The following RPRD2 variants were observed in gnomAD, a reference collection of about 807,000 sequenced individuals.
RPRD2 encodes the protein regulation of nuclear pre-mRNA domain containing 2.
Under a neutral mutation model 104.4 loss-of-function variants are expected in RPRD2, and 12 were observed. That is an observed-to-expected ratio of 0.11 (90% CI 0.07 to 0.19). The LOEUF is 0.19. RPRD2 is among the 10% of genes least tolerant of loss of function. The pLI is 1.00. For synonymous variants in RPRD2, 714 were observed against 684.9 expected, an observed-to-expected ratio of 1.04 and a Z score of -0.66; for missense variants, 1,543 against 1,790.1, an observed-to-expected ratio of 0.86 and a Z score of 2.49.
At chr1:150,463,626 T>G (rs1668080896) in intron 9 of RPRD2, among the ~76,000 whole-genome samples, 1 of 152,228 alleles carries the variant, frequency 6.6e-6, no homozygotes, top group Non-Finnish European at 1.5e-5. Context: ...ATATTTTATT[T>G]CCTGTGTTAA....
chr1:150,428,106 A>G (rs1290427171), intron 2 of RPRD2, among the ~76,000 whole-genome samples: 2 of 152,146 alleles, frequency 1.3e-5, no homozygotes, highest in Admixed American at 1.3e-4. Flanking sequence ...GTCGTAGACT[A>G]AGTTATATGA....
Position 150,398,438 on chromosome 1 carries a change from T to C in RPRD2, c.206-19158T>C, listed in dbSNP as rs587736723. On this transcript the variant is annotated intron_variant, in intron 1 of 10. Transcript: ENST00000369068. ...GTCTCGATCTCCTGACCTCGTGATCTGCCCACCTTGGCCTCCCAAAGTGCT... is the reference window on the plus strand; with the variant it reads ...GTCTCGATCTCCTGACCTCGTGATCCGCCCACCTTGGCCTCCCAAAGTGCT... Among the ~76,000 whole-genome samples, 100 of 152,120 alleles carry C rather than the reference T, an allele frequency of 6.6e-4. No homozygotes were observed. In the Middle Eastern group the frequency reaches 0.014, roughly 21 times the overall value.
At chr1:150,378,979 T>TAAAA (rs782457070) in intron 1 of RPRD2, among the ~76,000 whole-genome samples, 4 of 84,046 alleles carry the variant, frequency 4.8e-5, no homozygotes, top group African/African-American at 4.7e-5. Context: ...GAGACTTCAT[T>TAAAA]AAAAAAAAAA....
intron 9 of RPRD2, among the ~76,000 whole-genome samples, chr1:150,464,163 C>T (rs1045094164): frequency 6.6e-6 from 1 of 152,080 alleles, no homozygotes; most frequent in Non-Finnish European, 1.5e-5. Flanking sequence ...GCGCCTGCCA[C>T]CATACCCGGC....
chr1:150,454,226 A>C (rs146620159), intron 7 of RPRD2, among the ~76,000 whole-genome samples: 3 of 152,234 alleles, frequency 2.0e-5, no homozygotes, highest in Non-Finnish European at 4.4e-5. Flanking sequence ...GACCAGCAAG[A>C]CTGTTAAAAG....
chr1:150,448,061 GACTCCC>G (rs1666912421), intron 7 of RPRD2, among the ~76,000 whole-genome samples: 1 of 152,130 alleles, frequency 6.6e-6, no homozygotes, highest in African/African-American at 2.4e-5. Context: ...ATTAACACTA[GACTCCC>G]TACTTCGTAA....
At chr1:150,432,822 T>C (rs4926395) in intron 2 of RPRD2, among the ~76,000 whole-genome samples, 83,386 of 151,202 alleles carry the variant, frequency 0.55, 23,710 homozygotes, top group Non-Finnish European at 0.62. Context: ...TAAAAAAACA[T>C]GAAATTTAGC....
chr1:150,450,891 G>A (rs892542565), intron 7 of RPRD2, among the ~76,000 whole-genome samples: 2 of 152,086 alleles, frequency 1.3e-5, no homozygotes, highest in South Asian at 4.2e-4. Flanking sequence ...GATTACAGGC[G>A]TGAGCCACCG....
At chr1:150,381,899 G>A (rs1490558916) in intron 1 of RPRD2, among the ~76,000 whole-genome samples, 3 of 152,208 alleles carry the variant, frequency 2.0e-5, no homozygotes, top group South Asian at 2.1e-4. Flanking sequence ...CATGGGCTTC[G>A]ATCTCAAATA....
chr1:150,413,447 A>T (rs1482546605), intron 1 of RPRD2, among the ~76,000 whole-genome samples: 1 of 152,008 alleles, frequency 6.6e-6, no homozygotes, highest in Admixed American at 6.6e-5. Flanking sequence ...CTAAAAATAC[A>T]AAAAAATTAG....
chr1:150,457,930 G>A (rs1201167000), intron 8 of RPRD2, among the ~76,000 whole-genome samples: 1 of 152,068 alleles, frequency 6.6e-6, no homozygotes, highest in Non-Finnish European at 1.5e-5. Context: ...ACTTATCCGG[G>A]TATGGTGGCA....
In RPRD2 at chr1:150,435,531, T is replaced by G. The variant is rs144799208; in HGVS notation, c.336-5392T>G. Among the ~76,000 whole-genome samples, 159 of 152,250 alleles carry G rather than the reference T, an allele frequency of 1.0e-3. 7 individuals are homozygous for G. The East Asian group carries it at 0.027, about 26-fold the overall frequency. On this transcript the variant is annotated intron_variant, in intron 2 of 10. Transcript: ENST00000369068. ...TGAATGATAAGAAAGCAAAATAGCT[T>G]TATTGCTAATATGGAGAAAGTTAGT...
In RPRD2 at chr1:150,407,182, A is replaced by G. The variant is rs587647689; in HGVS notation, c.206-10414A>G. On this transcript the variant is annotated intron_variant, in intron 1 of 10. Coordinates refer to ENST00000369068, the MANE Select transcript of RPRD2 (RefSeq NM_015203.5). The stretch of plus-strand genomic sequence containing the variant: ...TGGCACATACAGTGCTAGGGTTCTC[A>G]TTGTTTCTCAGTCCCAACAAGAACA... Among the ~76,000 whole-genome samples, 4 of 152,266 alleles carry G rather than the reference A, an allele frequency of 2.6e-5. No homozygotes were observed. The East Asian group carries it at 7.7e-4, about 29-fold the overall frequency.
chr1:150,416,779 G>A (rs1224567327), intron 1 of RPRD2, among the ~76,000 whole-genome samples: 1 of 150,522 alleles, frequency 6.6e-6, no homozygotes, highest in Non-Finnish European at 1.5e-5. Flanking sequence ...GGCTGAGACA[G>A]GAGAATTGCT....
At chr1:150,392,363 G>C (rs1553883327) in intron 1 of RPRD2, among the ~76,000 whole-genome samples, 6 of 152,066 alleles carry the variant, frequency 3.9e-5, no homozygotes. Flanking sequence ...AAATTAGCTG[G>C]GCGTGGTGGC....
intron 1 of RPRD2, among the ~76,000 whole-genome samples, chr1:150,378,190 GTTC>G (rs150173803): frequency 0.22 from 33,664 of 151,812 alleles, 4,219 homozygotes; most frequent in African/African-American, 0.32. Flanking sequence ...CATTTACTGA[GTTC>G]TTATGTGATT....
intron 1 of RPRD2, among the ~76,000 whole-genome samples, chr1:150,416,706 C>T (rs587707229): frequency 6.6e-6 from 1 of 151,664 alleles, no homozygotes; most frequent in South Asian, 2.1e-4. Context: ...CCTATCTCTA[C>T]CAAAAATACA....
Position 150,471,403 on chromosome 1 carries a change from G to A in RPRD2, c.2455G>A (p.Glu819Lys). The change falls in exon 11 of 11, where the codon GAA (glutamate) becomes AAA (lysine). Residue 819 changes from glutamate (E) to lysine (K), a missense_variant. Glu to Lys is a moderately conservative substitution (Grantham distance 56). Coordinates refer to ENST00000369068, the MANE Select transcript of RPRD2 (RefSeq NM_015203.5). This position sits in a 1 kb window ranked among gnomAD's most constrained non-coding sequence, Gnocchi z 5.3. ...RPSSLMDSSQ[E>K]KFYPDTSFQE... Reference sequence around the variant, plus strand: ...ATCTTCCCTGATGGACTCTTCACAGGAAAAGTTCTACCCAGATACTTCTTT... The same window carrying A: ...ATCTTCCCTGATGGACTCTTCACAGAAAAAGTTCTACCCAGATACTTCTTT... 1 of 1,613,790 alleles carries A rather than the reference G, an allele frequency of 6.2e-7. No individual in the cohort carries two copies. Among genetic ancestry groups the A allele is most frequent in the Non-Finnish European group, 8.5e-7 (1 of 1,179,850 alleles).
intron 7 of RPRD2, among the ~76,000 whole-genome samples, chr1:150,455,391 A>G (rs1667455844): frequency 6.6e-6 from 1 of 151,984 alleles, no homozygotes; most frequent in Non-Finnish European, 1.5e-5. Context: ...AATCCCAGCT[A>G]CTCAGGAGGC....
Sources: gnomAD v4.1 joint callset for allele counts (sites outside exome capture counted in the v4.1 genomes callset) on GRCh38, gnomAD v4.1.1 for gene constraint, Gnocchi (gnomAD v3.1) non-coding constraint, MANE v1.5 for transcripts, NCBI Gene and HGNC (gene_info 2026-07-23, HGNC 2026-07-21) for gene names.